The following CCDC102B variants were observed in gnomAD, a reference collection of about 807,000 sequenced individuals.
CCDC102B encodes the protein coiled-coil domain-containing protein 102B.
Under a neutral mutation model 57.4 loss-of-function variants are expected in CCDC102B, and 75 were observed. The observed-to-expected ratio is 1.31, with a 90% confidence interval of 1.08 to 1.58. The LOEUF is 1.58. Ranked by LOEUF, CCDC102B falls within the 40% of genes most tolerant of loss-of-function variation. CCDC102B has a pLI of 0.00. For synonymous variants in CCDC102B, 206 were observed against 201.9 expected, an observed-to-expected ratio of 1.02 and a Z score of -0.17; for missense variants, 636 against 582.6, an observed-to-expected ratio of 1.09 and a Z score of -0.94.
At chr18:68,821,817 A>G (rs2036702643) in intron 1 of CCDC102B, among the ~76,000 whole-genome samples, 1 of 152,110 alleles carries the variant, frequency 6.6e-6, no homozygotes, top group South Asian at 2.1e-4. Context: ...CATTTTGAGT[A>G]AACTATATAT....
At chr18:68,867,003 G>A (rs902255835) in intron 4 of CCDC102B, 5 of 319,948 alleles carry the variant, frequency 1.6e-5, no homozygotes, top group Non-Finnish European at 3.1e-5. Context: ...ACTGTGTTGT[G>A]GTCTGTAGGG....
chr18:68,892,022 T>G (rs1364130222), intron 5 of CCDC102B, among the ~76,000 whole-genome samples: 1 of 152,168 alleles, frequency 6.6e-6, no homozygotes, highest in African/African-American at 2.4e-5. Context: ...CTTAATTTCT[T>G]AGTTGTAATA....
intron 1 of CCDC102B, among the ~76,000 whole-genome samples, chr18:68,804,242 A>G (rs922563364): frequency 6.6e-6 from 1 of 152,188 alleles, no homozygotes; most frequent in Non-Finnish European, 1.5e-5. Flanking sequence ...TGAAATGTGC[A>G]TTTATTGACA....
intron 6 of CCDC102B, among the ~76,000 whole-genome samples, chr18:68,984,540 A>C (rs1417507541): frequency 6.6e-6 from 1 of 152,118 alleles, no homozygotes; most frequent in Non-Finnish European, 1.5e-5. Flanking sequence ...TTTTTAACCT[A>C]TGCCATTTCA....
At chr18:68,721,889 C>G (rs1347860857) in intron 2 of CCDC102B, among the ~76,000 whole-genome samples, 2 of 152,272 alleles carry the variant, frequency 1.3e-5, no homozygotes, top group East Asian at 1.9e-4. Flanking sequence ...CTCTGGCTGT[C>G]AAAAGAAACC....
At chr18:68,907,735 C>G (rs1222168173) in intron 6 of CCDC102B, among the ~76,000 whole-genome samples, 1 of 152,116 alleles carries the variant, frequency 6.6e-6, no homozygotes, top group Non-Finnish European at 1.5e-5. Flanking sequence ...CGTTATCTTA[C>G]ACATGTTTTA....
intron 6 of CCDC102B, chr18:68,899,908 C>T (rs2040380649): frequency 6.6e-6 from 1 of 152,082 alleles, no homozygotes; most frequent in Non-Finnish European, 1.5e-5. Flanking sequence ...GTAATCTCAT[C>T]ACATAAATCC....
chr18:68,904,116 T>C (rs2040542685), intron 6 of CCDC102B, among the ~76,000 whole-genome samples: 1 of 27,752 alleles, frequency 3.6e-5, no homozygotes, highest in African/African-American at 1.3e-4. Context: ...GTTTTTACTG[T>C]TATAAAATAG....
chr18:68,853,713 TGAA>T (rs2038250502), intron 4 of CCDC102B, among the ~76,000 whole-genome samples: 2 of 111,054 alleles, frequency 1.8e-5, no homozygotes, highest in South Asian at 7.5e-4. Flanking sequence ...TCTGACTCAA[TGAA>T]ACCTTTATAT....
chr18:68,831,911 C>T (rs1425165937), intron 1 of CCDC102B, among the ~76,000 whole-genome samples: 2 of 152,082 alleles, frequency 1.3e-5, no homozygotes, highest in Admixed American at 6.6e-5. Flanking sequence ...TGACAGGCCA[C>T]ATTTTATAAT....
At position 68,956,569 on chromosome 18, in the gene CCDC102B, AT is replaced by A. The variant is rs371323548; in HGVS notation, c.1264-54361del. ...TATATAAATATTATATATATTATATATTTTATATATATAAATATTATATATA... is the reference window on the plus strand; with the variant it reads ...TATATAAATATTATATATATTATATATTTATATATATAAATATTATATATA... On this transcript the variant is annotated intron_variant, in intron 6 of 7. Coordinates refer to ENST00000360242, the MANE Select transcript of CCDC102B (RefSeq NM_024781.3). 3.8e-3 allele frequency among the ~76,000 whole-genome samples: 19 copies of A among 4,998 alleles called. 1 individual carries two copies. The highest frequency in any genetic ancestry group is 0.019 in the South Asian group (2 of 104). 3.3% of individuals were successfully genotyped at this position (4,998 alleles called of 152,430 possible).
At chr18:69,025,655 C>T (rs1205286240) in intron 7 of CCDC102B, among the ~76,000 whole-genome samples, 1 of 152,098 alleles carries the variant, frequency 6.6e-6, no homozygotes. Flanking sequence ...GTTGTTGTTT[C>T]AAGAACCTGA....
At chr18:68,956,332 T>TATATAATATATATATAAA (rs2049847812) in intron 6 of CCDC102B, among the ~76,000 whole-genome samples, 2 of 54,980 alleles carry the variant, frequency 3.6e-5, no homozygotes, top group African/African-American at 1.8e-4. Flanking sequence ...TTATATATAT[T>TATATAATATATATATAAA]ATATATAATA....
intron 7 of CCDC102B, among the ~76,000 whole-genome samples, chr18:69,028,056 G>A (rs2052040090): frequency 6.6e-6 from 1 of 152,160 alleles, no homozygotes; most frequent in Non-Finnish European, 1.5e-5. Flanking sequence ...TGAATGTATG[G>A]TCTCTAGTTA....
chr18:68,747,633 G>C (rs1214158946), intron 2 of CCDC102B, among the ~76,000 whole-genome samples: 1 of 152,046 alleles, frequency 6.6e-6, no homozygotes, highest in Non-Finnish European at 1.5e-5. Context: ...CACCTTCTAT[G>C]ACTGGTTTAT....
At chr18:68,927,486 C>T (rs1030497310) in intron 6 of CCDC102B, among the ~76,000 whole-genome samples, 13 of 151,886 alleles carry the variant, frequency 8.6e-5, no homozygotes, top group Non-Finnish European at 1.6e-4. Context: ...TGTCTTCATA[C>T]GCTGTTCTGT....
At chr18:68,834,024 A>AGTGCATAT (rs2144777376) in intron 1 of CCDC102B, among the ~76,000 whole-genome samples, 1 of 14,194 alleles carries the variant, frequency 7.0e-5, no homozygotes, top group African/African-American at 7.5e-5. Context: ...TGAAGACTTT[A>AGTGCATAT]GTGCATATGC....
chr18:68,895,495 C>A lies in CCDC102B; in HGVS notation c.1054-1724C>A, dbSNP rs140753593. On this transcript the variant is annotated intron_variant, in intron 5 of 7. Transcript: ENST00000360242. ...GCTTTTAGAATTTAGCATGTCATAGCAACAGATTTTATAACAGTATAATAA... is the reference window on the plus strand; with the variant it reads ...GCTTTTAGAATTTAGCATGTCATAGAAACAGATTTTATAACAGTATAATAA... Among the ~76,000 whole-genome samples the A allele has an allele frequency of 6.9e-4, 105 of 151,752 alleles. 2 individuals are homozygous for A. In the East Asian group the frequency reaches 0.02, roughly 28 times the overall value.
intron 7 of CCDC102B, among the ~76,000 whole-genome samples, chr18:69,033,423 C>T (rs2052201642): frequency 6.6e-6 from 1 of 152,094 alleles, no homozygotes; most frequent in Non-Finnish European, 1.5e-5. Context: ...AGGAAAGCCT[C>T]TGCACATTAG....
Sources: gnomAD v4.1 joint callset for allele counts (sites outside exome capture counted in the v4.1 genomes callset) on GRCh38, gnomAD v4.1.1 for gene constraint, MANE v1.5 for transcripts, NCBI Gene and HGNC (gene_info 2026-07-23, HGNC 2026-07-21) for gene names.